NCOA1: variants seen among roughly 807,000 people sequenced by gnomAD.
NCOA1 encodes the protein nuclear receptor coactivator 1.
In NCOA1, 35 loss-of-function variants were observed where a neutral mutation model predicts 150.9. The observed-to-expected ratio is 0.23, with a 90% confidence interval of 0.18 to 0.31. The LOEUF (loss-of-function observed/expected upper bound fraction) is 0.31, where lower values mean the gene tolerates loss of function less well. NCOA1 is among the 10% of genes least tolerant of loss of function. The pLI is 1.00. For synonymous variants in NCOA1, 590 were observed against 630.0 expected, an observed-to-expected ratio of 0.94 and a Z score of 0.95; for missense variants, 1,491 against 1,749.3, an observed-to-expected ratio of 0.85 and a Z score of 2.63.
At chr2:24,672,492 T>G (rs1671732669) in intron 6 of NCOA1, among the ~76,000 whole-genome samples, 1 of 152,164 alleles carries the variant, frequency 6.6e-6, no homozygotes, top group Non-Finnish European at 1.5e-5. Context: ...ATTCTTGGGC[T>G]TAAGCGATCC....
In NCOA1 at chr2:24,625,987, A is replaced by T. The variant is rs1030769411; in HGVS notation, c.-174-17979A>T. Among the ~76,000 whole-genome samples the T allele has an allele frequency of 3.9e-4, 60 of 152,192 alleles. 1 individual carries two copies. Among genetic ancestry groups the T allele is most frequent in the African/African-American group, 1.2e-3 (49 of 41,446 alleles). On this transcript the variant is annotated intron_variant, in intron 3 of 22. Transcript: ENST00000348332. ...AAACAATGTATTCTATAGTTGTTGG[A>T]TATAGTGTTCTAAAAATGTCACTTA...
chr2:24,557,450 A>C (rs766818431), intron 1 of NCOA1, among the ~76,000 whole-genome samples: 4 of 151,970 alleles, frequency 2.6e-5, no homozygotes, highest in Non-Finnish European at 5.9e-5. Flanking sequence ...GTAGTCTTTT[A>C]TATTTATCTT....
At chr2:24,537,342 A>C (rs1665197389) in intron 1 of NCOA1, among the ~76,000 whole-genome samples, 1 of 152,086 alleles carries the variant, frequency 6.6e-6, no homozygotes, top group Non-Finnish European at 1.5e-5. Context: ...ATGGACCTGG[A>C]AGACATTATG....
Position 24,745,157 on chromosome 2 carries a change from CTTTTTTTT to C in NCOA1, c.3706+2982_3706+2989del, listed in dbSNP as rs201221705. The stretch of plus-strand genomic sequence containing the variant: ...GACTTTAGAAATTGTTTTCTTTTTT[CTTTTTTTT>C]TTTTTTTTTTCTTTGAGACAGAGTC... On this transcript the variant is annotated intron_variant, in intron 19 of 22. Transcript: ENST00000348332. 9.9e-4 allele frequency among the ~76,000 whole-genome samples: 131 copies of C among 131,672 alleles called. 1 individual carries two copies. Among genetic ancestry groups the C allele is most frequent in the East Asian group, 8.1e-3 (38 of 4,700 alleles). 86.4% of individuals were successfully genotyped at this position (131,672 alleles called of 152,430 possible). A position where few individuals can be genotyped will look rare whatever the true frequency, so the allele number is the denominator to read the frequency against.
At chr2:24,619,403 A>G (rs1034821815) in intron 3 of NCOA1, among the ~76,000 whole-genome samples, 18 of 152,334 alleles carry the variant, frequency 1.2e-4, no homozygotes, top group East Asian at 7.7e-4. Context: ...TCTACTACCA[A>G]TAGTAGGAGT....
chr2:24,553,983 G>A (rs1447991725), intron 1 of NCOA1, among the ~76,000 whole-genome samples: 2 of 152,136 alleles, frequency 1.3e-5, no homozygotes, highest in Admixed American at 6.5e-5. Flanking sequence ...GGAGTTTATT[G>A]CCATAAAATT....
intron 11 of NCOA1, among the ~76,000 whole-genome samples, chr2:24,698,453 C>T (rs1427423898): frequency 6.6e-6 from 1 of 152,098 alleles, no homozygotes; most frequent in Non-Finnish European, 1.5e-5. Context: ...TATTGCATAG[C>T]TTCTGGGTCT....
intron 22 of NCOA1, chr2:24,767,802 A>T: frequency 2.8e-6 from 1 of 354,304 alleles, no homozygotes; most frequent in Non-Finnish European, 5.1e-6. Flanking sequence ...TTAATTTTTC[A>T]GTGACATCAT....
intron 1 of NCOA1, among the ~76,000 whole-genome samples, chr2:24,510,577 A>G (rs927716078): frequency 2.0e-5 from 3 of 152,132 alleles, no homozygotes; most frequent in African/African-American, 7.2e-5. Context: ...TCCTGGCTTC[A>G]AGTGATCCTC....
chr2:24,632,728 A>G (rs1382104886), intron 3 of NCOA1, among the ~76,000 whole-genome samples: 2 of 152,216 alleles, frequency 1.3e-5, no homozygotes, highest in East Asian at 3.8e-4. Context: ...ACTGTACTCC[A>G]CTTGGTAAGT....
chr2:24,680,413 C>T (rs1344505622), intron 7 of NCOA1, among the ~76,000 whole-genome samples: 1 of 152,164 alleles, frequency 6.6e-6, no homozygotes, highest in African/African-American at 2.4e-5. Flanking sequence ...AAAGGAAATC[C>T]TGTCATCTGC....
chr2:24,509,330 T>C (rs1204582535), intron 1 of NCOA1, among the ~76,000 whole-genome samples: 1 of 152,256 alleles, frequency 6.6e-6, no homozygotes, highest in East Asian at 1.9e-4. Context: ...AGTCTTGTGC[T>C]CATAATCACT....
At chr2:24,621,971 C>T (rs1669187675) in intron 3 of NCOA1, among the ~76,000 whole-genome samples, 1 of 152,180 alleles carries the variant, frequency 6.6e-6, no homozygotes, top group South Asian at 2.1e-4. Flanking sequence ...AGAGTGACAC[C>T]TCTAGTCCCC....
At chr2:24,540,504 G>C (rs1470228551) in intron 1 of NCOA1, among the ~76,000 whole-genome samples, 1 of 151,718 alleles carries the variant, frequency 6.6e-6, no homozygotes, top group Non-Finnish European at 1.5e-5. Context: ...TGTCACCCAG[G>C]CTGGAGTGCA....
intron 17 of NCOA1, among the ~76,000 whole-genome samples, chr2:24,734,295 T>A (rs1014524510): frequency 6.6e-6 from 1 of 152,118 alleles, no homozygotes; most frequent in Non-Finnish European, 1.5e-5. Flanking sequence ...AAAGAAATTA[T>A]GTCTCCTAAT....
At chr2:24,762,487 C>A (rs886600698) in intron 21 of NCOA1, among the ~76,000 whole-genome samples, 200 bp from the exon 22 acceptor site, 1 of 152,226 alleles carries the variant, frequency 6.6e-6, no homozygotes, top group African/African-American at 2.4e-5. Flanking sequence ...CCCAGAGGTT[C>A]TCCTTGTGTC....
At chr2:24,711,828 A>G (rs1673763276) in intron 14 of NCOA1, among the ~76,000 whole-genome samples, 1 of 152,246 alleles carries the variant, frequency 6.6e-6, no homozygotes, top group Non-Finnish European at 1.5e-5. Flanking sequence ...TTGATGTTGA[A>G]AAAACCAGTG....
At chr2:24,528,079 A>G (rs1022743530) in intron 1 of NCOA1, among the ~76,000 whole-genome samples, 3 of 152,204 alleles carry the variant, frequency 2.0e-5, no homozygotes, top group Non-Finnish European at 2.9e-5. Flanking sequence ...GCCTTATCAG[A>G]TAGCATGGTT....
chr2:24,765,010 T>C lies in NCOA1; in HGVS notation c.4155+2234T>C, dbSNP rs151271489. Among the ~76,000 whole-genome samples, 8 of 152,156 alleles carry C rather than the reference T, an allele frequency of 5.3e-5. No individual in the cohort carries two copies. In the East Asian group the frequency reaches 1.5e-3, roughly 29 times the overall value. ...CAGCCTGGCCAACATGGAGAAACCC[T>C]GCCTAAAAATACAAAAATTAGCCAG... On this transcript the variant is annotated intron_variant, in intron 22 of 22. Coordinates refer to ENST00000348332, the MANE Select transcript of NCOA1 (RefSeq NM_003743.5).
Sources: gnomAD v4.1 joint callset for allele counts (sites outside exome capture counted in the v4.1 genomes callset) on GRCh38, gnomAD v4.1.1 for gene constraint, MANE v1.5 for transcripts, NCBI Gene and HGNC (gene_info 2026-07-23, HGNC 2026-07-21) for gene names.